The following PTPN2 variants were observed in gnomAD, a reference collection of about 807,000 sequenced individuals.
PTPN2 encodes the protein protein tyrosine phosphatase non-receptor type 2.
PTPN2 carries 19 observed loss-of-function variants against 57.3 expected under a neutral mutation model. The observed-to-expected ratio is 0.33, with a 90% CI of 0.23 to 0.49. The LOEUF (loss-of-function observed/expected upper bound fraction) is 0.49. Ranked by LOEUF, PTPN2 falls within the 20% of genes least tolerant of loss-of-function variation. The probability of loss-of-function intolerance (pLI) is 0.99; values close to 1 mark genes in which losing one functional copy is unlikely to be tolerated. For missense variants in PTPN2, 358 were observed against 501.1 expected, an observed-to-expected ratio of 0.71 and a Z score of 2.73; for synonymous variants, 153 against 164.9, an observed-to-expected ratio of 0.93 and a Z score of 0.55.
chr18:12,824,645 T>C (rs2042383394), intron 5 of PTPN2, among the ~76,000 whole-genome samples: 1 of 152,218 alleles, frequency 6.6e-6, no homozygotes, highest in Admixed American at 6.5e-5. Flanking sequence ...TTTATTCTAT[T>C]ACAACACAAA....
At chr18:12,805,930 G>A (rs1250037926) in intron 7 of PTPN2, among the ~76,000 whole-genome samples, 1 of 151,924 alleles carries the variant, frequency 6.6e-6, no homozygotes, top group Non-Finnish European at 1.5e-5. Flanking sequence ...ACCGGGCTAG[G>A]ATGCCCACTT....
chr18:12,864,950 T>C (rs1336779048), intron 1 of PTPN2, among the ~76,000 whole-genome samples: 1 of 130,130 alleles, frequency 7.7e-6, no homozygotes, highest in South Asian at 2.9e-4. Flanking sequence ...TGTGCCTAAA[T>C]GGTACTGTTT....
chr18:12,865,167 C>T (rs2145492829), intron 1 of PTPN2, among the ~76,000 whole-genome samples: 1 of 152,244 alleles, frequency 6.6e-6, no homozygotes, highest in Non-Finnish European at 1.5e-5. Context: ...GAAACTGAGG[C>T]CAGGCGCTGT....
chr18:12,879,732 T>TC (rs1285550408), intron 1 of PTPN2, among the ~76,000 whole-genome samples: 1 of 152,216 alleles, frequency 6.6e-6, no homozygotes, highest in Non-Finnish European at 1.5e-5. Context: ...AATTCATTTT[T>TC]CCCGCTAGAA....
At chr18:12,838,846 A>G (rs2145406728) in intron 2 of PTPN2, among the ~76,000 whole-genome samples, 1 of 152,284 alleles carries the variant, frequency 6.6e-6, no homozygotes, top group Non-Finnish European at 1.5e-5. Context: ...ACATCACTAG[A>G]TATTATTTTA....
chr18:12,874,216 CCCCGCCCGGCCAGCCG>C (rs923720074), intron 1 of PTPN2, among the ~76,000 whole-genome samples: 11 of 149,100 alleles, frequency 7.4e-5, no homozygotes, highest in Non-Finnish European at 1.5e-4. Context: ...GGGGTCAGCC[CCCCGCCCGGCCAGCCG>C]CCCCGTCCGG....
intron 2 of PTPN2, 64 bp downstream of exon 2, chr18:12,859,100 A>G: frequency 3.9e-6 from 5 of 1,272,018 alleles, no homozygotes; most frequent in Non-Finnish European, 5.7e-6. Context: ...CCTCCTTTTC[A>G]CTACATCCTG....
rs2042453517 is a variant in PTPN2 at position 12,826,250 on chromosome 18, A to ATATGGTG, written c.361-307_361-306insCACCATA. Reference sequence around the variant, plus strand: ...AAACCCTGTCTCTACTAAAAATACAAAAACTAGCTAGGCGCGATGGCGGGC... The same window carrying ATATGGTG: ...AAACCCTGTCTCTACTAAAAATACAATATGGTGAAACTAGCTAGGCGCGATGGCGGGC... On this transcript the variant is annotated intron_variant, in intron 4 of 8. Transcript: ENST00000309660. 2.0e-5 allele frequency among the ~76,000 whole-genome samples: 3 copies of ATATGGTG among 152,174 alleles called. No homozygotes were observed. The South Asian group carries it at 6.2e-4, about 31-fold the overall frequency.
In PTPN2 at chr18:12,794,329, C is replaced by A. The variant is rs775291577; in HGVS notation, c.1197G>T (p.Leu399Phe). ...LTKMGFMSVI[L>F]VGAFVGWTLF... ...GTGTCCAGCCAACAAAAGCGCCAAC[C>A]AAAATGACTGACATAAACCCCATCT... Residue 399 changes from leucine (L) to phenylalanine (F), a missense_variant, in exon 9 of 9, where the codon TTG becomes TTT. Physicochemically the swap from Leu to Phe is conservative, Grantham distance 22 (BLOSUM62 0). This residue lies in a region of PTPN2 where 96 missense variants were observed against 110.8 expected (regional missense o/e 0.87). Coordinates refer to ENST00000309660, the MANE Select transcript of PTPN2 (RefSeq NM_002828.4). 3 of 1,614,158 alleles carry A rather than the reference C, an allele frequency of 1.9e-6. No individual in the cohort carries two copies. The highest frequency in any genetic ancestry group is 2.5e-6 in the Non-Finnish European group (3 of 1,180,012).
At chr18:12,839,801 C>A (rs923235162) in intron 2 of PTPN2, among the ~76,000 whole-genome samples, 3 of 152,116 alleles carry the variant, frequency 2.0e-5, no homozygotes, top group African/African-American at 7.2e-5. Flanking sequence ...CAATTTCTGA[C>A]AAGGAGTCCC....
chr18:12,826,424 T>C (rs571259904), intron 4 of PTPN2, among the ~76,000 whole-genome samples: 8 of 152,162 alleles, frequency 5.3e-5, no homozygotes, highest in East Asian at 3.9e-4. Context: ...CGGGTAGAGA[T>C]TGAAATTTTA....
chr18:12,788,281 C>T (rs1257702195), downstream of PTPN2: 4 of 152,260 alleles, frequency 2.6e-5, no homozygotes, highest in Non-Finnish European at 4.4e-5. Context: ...AACGTAAAAC[C>T]AGAAAGTCGT....
chr18:12,884,149 G>T lies in PTPN2; in HGVS notation c.-8C>A. The stretch of plus-strand genomic sequence containing the variant: ...CTCGATGGTGGTGGGCATGGCTGCG[G>T]GAGCGAGCTGGCGCGAGCAGAGCCT... On this transcript the variant is annotated 5_prime_UTR_variant, in exon 1 of 9. Coordinates refer to ENST00000309660, the MANE Select transcript of PTPN2 (RefSeq NM_002828.4). 6.3e-7 allele frequency: 1 copy of T among 1,578,046 alleles called. No individual in the cohort carries two copies. The highest frequency in any genetic ancestry group is 1.2e-5 in the South Asian group (1 of 86,454).
chr18:12,842,331 A>G (rs2043072019), intron 2 of PTPN2, among the ~76,000 whole-genome samples: 1 of 152,218 alleles, frequency 6.6e-6, no homozygotes, highest in Admixed American at 6.5e-5. Flanking sequence ...GGCCCATGAG[A>G]CACCATGCAA....
intron 2 of PTPN2, among the ~76,000 whole-genome samples, chr18:12,852,763 C>T (rs535474627): frequency 6.6e-6 from 1 of 152,296 alleles, no homozygotes; most frequent in African/African-American, 2.4e-5. Flanking sequence ...ATATGTCAGT[C>T]TGAGGAGTGG....
downstream of PTPN2, among the ~76,000 whole-genome samples, chr18:12,788,388 T>G (rs2145199117): frequency 6.8e-6 from 1 of 147,034 alleles, no homozygotes; most frequent in East Asian, 2.1e-4. Flanking sequence ...AAGTTTGAAC[T>G]TTTCAAATTC....
chr18:12,824,553 T>A (rs999906304), intron 5 of PTPN2, among the ~76,000 whole-genome samples: 5 of 152,248 alleles, frequency 3.3e-5, no homozygotes, highest in Non-Finnish European at 7.3e-5. Context: ...TAAAGTCATA[T>A]GAGGCTAAAC....
Position 12,826,258 on chromosome 18 carries a change from C to CCA in PTPN2, c.361-315_361-314insTG, listed in dbSNP as rs2042453664. 2.0e-5 allele frequency among the ~76,000 whole-genome samples: 3 copies of CCA among 152,128 alleles called. No individual in the cohort carries two copies. The South Asian group carries it at 6.2e-4, about 32-fold the overall frequency. Reference sequence around the variant, plus strand: ...TCTCTACTAAAAATACAAAAACTAGCTAGGCGCGATGGCGGGCGCCTGTAA... The same window carrying CCA: ...TCTCTACTAAAAATACAAAAACTAGCCATAGGCGCGATGGCGGGCGCCTGTAA... On this transcript the variant is annotated intron_variant, in intron 4 of 8. Coordinates refer to ENST00000309660, the MANE Select transcript of PTPN2 (RefSeq NM_002828.4).
chr18:12,865,712 A>G (rs534986547), intron 1 of PTPN2, among the ~76,000 whole-genome samples: 1 of 152,168 alleles, frequency 6.6e-6, no homozygotes, highest in African/African-American at 2.4e-5. Context: ...CTGTAGTCCC[A>G]GCTACTCGGA....
Sources: allele counts gnomAD v4.1 joint callset (sites outside exome capture counted in the v4.1 genomes callset), GRCh38; gene constraint gnomAD v4.1.1; regional missense constraint gnomAD v4.1.1; transcripts MANE v1.5; gene names NCBI Gene and HGNC (gene_info 2026-07-23, HGNC 2026-07-21).